COL17A1: variants seen among roughly 807,000 people sequenced by gnomAD.
COL17A1 encodes the protein collagen alpha-1(XVII) chain.
COL17A1 carries 181 observed loss-of-function variants against 218.4 expected under a neutral mutation model. The ratio of observed to expected loss-of-function variants is 0.83; its 90% CI spans 0.73 to 0.94. The LOEUF (loss-of-function observed/expected upper bound fraction) is 0.94, where lower values mean the gene tolerates loss of function less well. Ranked by LOEUF, COL17A1 falls within the 40% of genes least tolerant of loss-of-function variation. The pLI, the probability that COL17A1 is intolerant of heterozygous loss-of-function variation, is 0.00. For synonymous variants in COL17A1, 721 were observed against 731.0 expected, an observed-to-expected ratio of 0.99 and a Z score of 0.22; for missense variants, 1,924 against 1,945.9, an observed-to-expected ratio of 0.99 and a Z score of 0.21.
intron 1 of COL17A1, among the ~76,000 whole-genome samples, chr10:104,082,929 T>C (rs1194029905): frequency 6.6e-6 from 1 of 152,190 alleles, no homozygotes; most frequent in African/African-American, 2.4e-5. Flanking sequence ...CTTCAGGGCC[T>C]GGGAGCTCCT....
At chr10:104,051,119 G>A (rs988654961) in intron 25 of COL17A1, among the ~76,000 whole-genome samples, 1 of 152,218 alleles carries the variant, frequency 6.6e-6, no homozygotes, top group Non-Finnish European at 1.5e-5. Flanking sequence ...AGAACACATT[G>A]TCGAGTCTTG....
rs750598817 is a variant in COL17A1, at chr10:104,058,131, G to C, written c.1267+15C>G. 3 of 1,614,128 alleles carry C rather than the reference G, an allele frequency of 1.9e-6. No homozygotes were observed. The highest frequency in any genetic ancestry group is 2.5e-6 in the Non-Finnish European group (3 of 1,180,014). On this transcript the variant is annotated intron_variant, in intron 16 of 55. Transcript: ENST00000648076. ...ACTGGATCCTGTCACTGCAGGGTTC[G>C]CGGTTCTCACCCACCTGCAGTGGTG...
chr10:104,074,693 G>GTGA (rs1419692145), intron 5 of COL17A1, among the ~76,000 whole-genome samples: 1 of 152,230 alleles, frequency 6.6e-6, no homozygotes, highest in African/African-American at 2.4e-5. Context: ...AGAAAGCACT[G>GTGA]TGATGATGCA....
At chr10:104,036,100 A>G (rs1322243031) in intron 48 of COL17A1, among the ~76,000 whole-genome samples, 280 of 18,602 alleles carry the variant, frequency 0.015, no homozygotes, top group Non-Finnish European at 0.021. Context: ...GTGTGTGTGT[A>G]TGGGAGTGTG....
At chr10:104,066,732 G>A (rs1338162840) in intron 9 of COL17A1, among the ~76,000 whole-genome samples, 1 of 152,182 alleles carries the variant, frequency 6.6e-6, no homozygotes. Context: ...TCATAAAGAA[G>A]CTAAACCCAA....
chr10:104,047,670 C>T, intron 31 of COL17A1, 69 bp downstream of exon 31: 1 of 1,295,370 alleles, frequency 7.7e-7, no homozygotes, highest in Admixed American at 1.7e-5. Flanking sequence ...CACACACATG[C>T]CTACATCCAC....
chr10:104,069,622 A>T (rs1182210449), intron 9 of COL17A1, among the ~76,000 whole-genome samples: 1 of 152,188 alleles, frequency 6.6e-6, no homozygotes, highest in Non-Finnish European at 1.5e-5. Context: ...TTTAGATAGG[A>T]CTACTGATCT....
intron 9 of COL17A1, among the ~76,000 whole-genome samples, chr10:104,068,422 A>G (rs1007139799): frequency 8.5e-5 from 13 of 152,364 alleles, no homozygotes; most frequent in Middle Eastern, 3.4e-3. Flanking sequence ...GGTAAAAAAC[A>G]CAATGGCTAT....
chr10:104,063,345 GTTATAT>G (rs929229372), intron 11 of COL17A1, among the ~76,000 whole-genome samples: 20 of 152,194 alleles, frequency 1.3e-4, no homozygotes, highest in Admixed American at 1.0e-3. Context: ...CAAACTATGT[GTTATAT>G]TTATAGAAAG....
At chr10:104,080,534 G>C (rs1231511266) in intron 2 of COL17A1, 88 bp downstream of exon 2, 1 of 1,464,158 alleles carries the variant, frequency 6.8e-7, no homozygotes, top group African/African-American at 1.4e-5. Flanking sequence ...GGTTGTGGTA[G>C]AATTATTAAT....
intron 12 of COL17A1, 27 bp from the exon 13 acceptor site, chr10:104,061,500 T>A (rs367757012): frequency 6.2e-7 from 1 of 1,607,812 alleles, no homozygotes; most frequent in African/African-American, 1.3e-5. Flanking sequence ...TGGGTCAGCA[T>A]GGGAGGGTGG....
At position 104,063,437 on chromosome 10, in the gene COL17A1, C is replaced by T. The variant is rs1347483977; in HGVS notation, c.838+310G>A. On this transcript the variant is annotated intron_variant, in intron 11 of 55. Coordinates refer to ENST00000648076, the MANE Select transcript of COL17A1 (RefSeq NM_000494.4). The stretch of plus-strand genomic sequence containing the variant: ...ATAAAATCCTTCTAAATTAACAATG[C>T]CTTTACCCTGAAAATGTCCTACACG... The T allele has an allele frequency of 1.5e-5, 6 of 395,142 alleles. No homozygotes were observed. In the East Asian group the frequency reaches 2.1e-4, roughly 14 times the overall value. The allele number at this position is 395,142 out of a possible 1,614,324, so 24.5% of individuals were successfully genotyped here. A position where few individuals can be genotyped will look rare whatever the true frequency, so the allele number is the denominator to read the frequency against.
At chr10:104,059,344 G>A in intron 15 of COL17A1, 1 of 455,910 alleles carries the variant, frequency 2.2e-6, no homozygotes, top group South Asian at 2.3e-5. Context: ...TATTAGTTCT[G>A]AAGATTATGG....
chr10:104,081,564 T>G (rs2086764939), intron 1 of COL17A1, among the ~76,000 whole-genome samples: 1 of 152,220 alleles, frequency 6.6e-6, no homozygotes, highest in Non-Finnish European at 1.5e-5. Context: ...CTTGCTGTGC[T>G]GCCTGGCCCC....
intron 6 of COL17A1, 119 bp from the exon 7 acceptor site, chr10:104,073,364 TA>T: frequency 1.2e-6 from 1 of 860,216 alleles, no homozygotes; most frequent in Non-Finnish European, 2.0e-6. Context: ...TAAATCCAGA[TA>T]GGGGCTTTTC....
Position 104,035,381 on chromosome 10 carries a change from A to G in COL17A1, c.3509-8T>C. On this transcript the variant is annotated splice_region_variant and splice_polypyrimidine_tract_variant and intron_variant, in intron 49 of 55. Transcript: ENST00000648076. ...TGCCTCTGAATTCAGACCCTGAGAC[A>G]CCAAGGGAGGGCACGGAGTCAGTCC... is the stretch of plus-strand genomic sequence containing the variant. 2 of 1,613,764 alleles carry G rather than the reference A, an allele frequency of 1.2e-6. No homozygotes were observed. Among genetic ancestry groups the G allele is most frequent in the Non-Finnish European group, 1.7e-6 (2 of 1,179,734 alleles).
chr10:104,081,807 A>G (rs766902315), intron 1 of COL17A1, among the ~76,000 whole-genome samples: 35 of 152,372 alleles, frequency 2.3e-4, no homozygotes, highest in Admixed American at 1.2e-3. Context: ...CTAGGCCCAC[A>G]GCACATTTTG....
At chr10:104,082,105 A>G (rs184707796) in intron 1 of COL17A1, among the ~76,000 whole-genome samples, 97 of 152,314 alleles carry the variant, frequency 6.4e-4, no homozygotes, top group South Asian at 3.9e-3. Context: ...AAATGTGCCA[A>G]CTTCTTGCTC....
chr10:104,062,528 C>T (rs1363062162), intron 11 of COL17A1, among the ~76,000 whole-genome samples, 199 bp from the exon 12 acceptor site: 1 of 152,224 alleles, frequency 6.6e-6, no homozygotes, highest in East Asian at 1.9e-4. Flanking sequence ...CCAAATATTA[C>T]TAACAGTTCT....
Sources: allele counts gnomAD v4.1 joint callset (sites outside exome capture counted in the v4.1 genomes callset), GRCh38; gene constraint gnomAD v4.1.1; transcripts MANE v1.5; gene names NCBI Gene and HGNC (gene_info 2026-07-23, HGNC 2026-07-21).